Variants in QSER1 observed in about 807,000 individuals in gnomAD.
The protein encoded by QSER1 is glutamine and serine rich 1.
QSER1 carries 49 observed loss-of-function variants against 158.5 expected under a neutral mutation model. That is an observed-to-expected ratio of 0.31 (90% CI 0.25 to 0.39). QSER1 has a LOEUF of 0.39. Among genes scored for constraint, QSER1 ranks in the 10% least tolerant of loss-of-function variants. The pLI is 1.00. For missense variants in QSER1, 1,754 were observed against 2,010.3 expected (o/e 0.87, Z 2.44); for synonymous variants, 650 against 715.5 (o/e 0.91, Z 1.46).
At chr11:32,969,683 TTTC>T (rs1444855591) in intron 10 of QSER1, among the ~76,000 whole-genome samples, 1 of 148,334 alleles carries the variant, frequency 6.7e-6, no homozygotes, top group African/African-American at 2.5e-5. Context: ...TTTCTTTTCT[TTTC>T]TTTTTTTTTT....
Position 32,932,855 on chromosome 11 carries a change from T to C in QSER1, c.1597T>C (p.Ser533Pro), listed in dbSNP as rs752770292. 6.2e-7 allele frequency: 1 copy of C among 1,614,074 alleles called. No homozygotes were observed. Among genetic ancestry groups the C allele is most frequent in the South Asian group, 1.1e-5 (1 of 91,064 alleles). Residue 533 changes from serine to proline, a missense_variant, in exon 4 of 13, where the codon TCA becomes CCA. This residue lies in a region of QSER1 where 1,707 missense variants were observed against 1,919.6 expected (regional missense o/e 0.89). Transcript: ENST00000650167. ...ATCTAATCAGCAAGAGGTATTGTCT[T>C]CAGTTACAAATGAGAATTACCCTGC... is the stretch of plus-strand genomic sequence containing the variant. Reference protein sequence around the residue: ...YSSNQQEVLSSVTNENYPAQT... With the variant: ...YSSNQQEVLSPVTNENYPAQT...
At chr11:32,904,998 G>C (rs1851674156) in intron 1 of QSER1, among the ~76,000 whole-genome samples, 1 of 152,100 alleles carries the variant, frequency 6.6e-6, no homozygotes, top group Non-Finnish European at 1.5e-5. Context: ...AATGAATACT[G>C]ATTTAATAAA....
rs1853004958 is a variant in QSER1 at position 32,977,907 on chromosome 11, A to G, written c.*1433A>G. On this transcript the variant is annotated 3_prime_UTR_variant, in exon 13 of 13. Coordinates refer to ENST00000650167, the MANE Select transcript of QSER1 (RefSeq NM_001076786.3). ...AAGCAGTGTTACTGCTCAATGCCCAAATAAGACACGCGGATATTGCTATTG... is the reference window on the plus strand; with the variant it reads ...AAGCAGTGTTACTGCTCAATGCCCAGATAAGACACGCGGATATTGCTATTG... 6.6e-6 allele frequency: 1 copy of G among 152,610 alleles called. No individual in the cohort carries two copies. Among genetic ancestry groups the G allele is most frequent in the Non-Finnish European group, 1.5e-5 (1 of 68,028 alleles). 9.5% of individuals were successfully genotyped at this position (152,610 alleles called of 1,614,324 possible).
At position 32,927,673 on chromosome 11, in the gene QSER1, C is replaced by CT. The variant is rs542941653; in HGVS notation, c.323-288dup. ...CCTTCCACCTCGGCCTCCAGAAGTG[C>CT]TGGGATTACAGGCATGAGCCGCCAC... On this transcript the variant is annotated intron_variant, in intron 2 of 12. Coordinates refer to ENST00000650167, the MANE Select transcript of QSER1 (RefSeq NM_001076786.3). Among the ~76,000 whole-genome samples the CT allele has an allele frequency of 2.4e-4, 37 of 152,290 alleles. 1 individual carries two copies. The East Asian group carries it at 4.0e-3, about 17-fold the overall frequency.
chr11:32,917,484 T>C (rs1851847364), intron 1 of QSER1, among the ~76,000 whole-genome samples: 3 of 152,170 alleles, frequency 2.0e-5, no homozygotes, highest in African/African-American at 7.2e-5. Context: ...CACAGCTAAC[T>C]TAATGTCAAA....
Position 32,934,043 on chromosome 11 carries a change from G to A in QSER1, c.2785G>A (p.Glu929Lys). 1 of 1,613,818 alleles carries A rather than the reference G, an allele frequency of 6.2e-7. No homozygotes were observed. Among genetic ancestry groups the A allele is most frequent in the South Asian group, 1.1e-5 (1 of 91,034 alleles). The change falls in exon 4 of 13, where the codon GAG becomes AAG. Residue 929 changes from glutamate (E) to lysine (K), a missense_variant. Glu to Lys is a moderately conservative substitution (Grantham distance 56). Coordinates refer to ENST00000650167, the MANE Select transcript of QSER1 (RefSeq NM_001076786.3). ...TGAAGTTATGAAAATGGACCTCTCT[G>A]AGTCTTCAAAACCATTACAACAACA... ...NSEVMKMDLSESSKPLQQHLT... is the reference protein window; with the variant it reads ...NSEVMKMDLSKSSKPLQQHLT...
At chr11:32,930,174 T>C (rs1402505150) in intron 3 of QSER1, among the ~76,000 whole-genome samples, 1 of 152,110 alleles carries the variant, frequency 6.6e-6, no homozygotes, top group Non-Finnish European at 1.5e-5. Flanking sequence ...AAAAGAACAA[T>C]AGGAGATCTC....
intron 4 of QSER1, among the ~76,000 whole-genome samples, chr11:32,946,452 A>G (rs1245436615): frequency 1.3e-5 from 2 of 151,578 alleles, no homozygotes; most frequent in Non-Finnish European, 3.0e-5. Flanking sequence ...TTTTCCTTCT[A>G]ACAGACAGGA....
intron 4 of QSER1, among the ~76,000 whole-genome samples, chr11:32,942,584 T>C (rs1266117533): frequency 1.3e-5 from 2 of 152,208 alleles, no homozygotes; most frequent in Non-Finnish European, 2.9e-5. Context: ...TCTGTTCCAT[T>C]GATCTATATC....
At chr11:32,902,066 G>T (rs964215999) in intron 1 of QSER1, among the ~76,000 whole-genome samples, 3 of 152,168 alleles carry the variant, frequency 2.0e-5, no homozygotes, top group Non-Finnish European at 2.9e-5. Flanking sequence ...GTGGGCATAG[G>T]GAGTGAGACC....
At chr11:32,904,189 C>CTTTTT (rs370789790) in intron 1 of QSER1, among the ~76,000 whole-genome samples, 3 of 137,228 alleles carry the variant, frequency 2.2e-5, no homozygotes, top group Admixed American at 7.4e-5. Flanking sequence ...ATTTCTTTTT[C>CTTTTT]TTTTTTTTTT....
chr11:32,939,518 T>C (rs1053402729), intron 4 of QSER1, among the ~76,000 whole-genome samples: 1 of 152,200 alleles, frequency 6.6e-6, no homozygotes, highest in African/African-American at 2.4e-5. Flanking sequence ...TTGGATTTTA[T>C]CTTGGACATT....
chr11:32,918,839 G>A (rs11032059), intron 1 of QSER1, among the ~76,000 whole-genome samples: 5,732 of 151,994 alleles, frequency 0.038, 372 homozygotes, highest in African/African-American at 0.13. Context: ...TTATTCTAAC[G>A]CTTAGGAAGT....
chr11:32,935,252 T>TTA lies in QSER1; in HGVS notation c.3995_3996dup (p.Val1333Ter). On this transcript the variant is annotated frameshift_variant, in exon 4 of 13. Transcript: ENST00000650167. LOFTEE classifies it high-confidence loss of function. ...GCCTTCATCTACAACACCCACACCTTTAGTGTCTGAAACTGGCGGTAACAG... is the reference window on the plus strand; with the variant it reads ...GCCTTCATCTACAACACCCACACCTTTATAGTGTCTGAAACTGGCGGTAACAG... 6.2e-7 allele frequency: 1 copy of TTA among 1,613,942 alleles called. No individual in the cohort carries two copies. The highest frequency in any genetic ancestry group is 8.5e-7 in the Non-Finnish European group (1 of 1,179,944).
rs1006856920 is a variant in QSER1, at chr11:32,980,123, T to G, written c.*3649T>G. 3 of 152,602 alleles carry G rather than the reference T, an allele frequency of 2.0e-5. No individual in the cohort carries two copies. The highest frequency in any genetic ancestry group is 4.4e-5 in the Non-Finnish European group (3 of 68,030). The allele number at this position is 152,602 out of a possible 1,614,324, so 9.5% of individuals were successfully genotyped here. On this transcript the variant is annotated 3_prime_UTR_variant, in exon 13 of 13. Coordinates refer to ENST00000650167, the MANE Select transcript of QSER1 (RefSeq NM_001076786.3). Reference sequence around the variant, plus strand: ...TATTTATAAGTGACAATAATTGAAGTTAAGGATATAAAGAAACCTGCATTT... The same window carrying G: ...TATTTATAAGTGACAATAATTGAAGGTAAGGATATAAAGAAACCTGCATTT...
At chr11:32,936,471 C>G (rs1250849002) in intron 4 of QSER1, among the ~76,000 whole-genome samples, 2 of 152,066 alleles carry the variant, frequency 1.3e-5, no homozygotes, top group Admixed American at 6.6e-5. Flanking sequence ...GAAGCAATGA[C>G]TTATGTAAAC....
At chr11:32,968,646 TG>T (rs1272021352) in intron 9 of QSER1, among the ~76,000 whole-genome samples, 1 of 152,226 alleles carries the variant, frequency 6.6e-6, no homozygotes, top group Admixed American at 6.5e-5. Context: ...GTTTGTATTT[TG>T]TAATTGTTCA....
intron 1 of QSER1, among the ~76,000 whole-genome samples, chr11:32,926,533 T>G (rs1411388708): frequency 6.6e-6 from 1 of 152,184 alleles, no homozygotes; most frequent in East Asian, 1.9e-4. Flanking sequence ...ATGGTGTTCA[T>G]TGTATTTTTG....
intron 1 of QSER1, among the ~76,000 whole-genome samples, chr11:32,899,754 G>T (rs1851601816): frequency 6.6e-6 from 1 of 152,020 alleles, no homozygotes; most frequent in East Asian, 1.9e-4. Flanking sequence ...GCTTCTAAAT[G>T]TTGAAGTGCT....
Sources: allele counts gnomAD v4.1 joint callset (sites outside exome capture counted in the v4.1 genomes callset), GRCh38; gene constraint gnomAD v4.1.1; regional missense constraint gnomAD v4.1.1; transcripts MANE v1.5; gene names NCBI Gene and HGNC (gene_info 2026-07-23, HGNC 2026-07-21).